Variants in MTUS2 observed in about 807,000 individuals in gnomAD.
The protein encoded by MTUS2 is microtubule associated scaffold protein 2.
A neutral mutation model predicts 114.1 loss-of-function variants in MTUS2; 40 were observed. The observed-to-expected ratio is 0.35, with a 90% CI of 0.27 to 0.46. The LOEUF is 0.46. MTUS2 is among the 20% of genes least tolerant of loss of function. The pLI is 1.00. For synonymous variants in MTUS2, 688 were observed against 672.0 expected, an observed-to-expected ratio of 1.02 and a Z score of -0.37; for missense variants, 1,679 against 1,705.4, an observed-to-expected ratio of 0.98 and a Z score of 0.27.
At chr13:29,050,208 CTT>C (rs965519552) in intron 4 of MTUS2, among the ~76,000 whole-genome samples, 1 of 152,108 alleles carries the variant, frequency 6.6e-6, no homozygotes, top group Admixed American at 6.5e-5. Context: ...CTCCCTTTCT[CTT>C]ATATACTTTT....
At chr13:28,840,213 A>G (rs1279313902) in intron 2 of MTUS2, among the ~76,000 whole-genome samples, 3 of 152,186 alleles carry the variant, frequency 2.0e-5, no homozygotes, top group Non-Finnish European at 4.4e-5. Context: ...TAATGGACAG[A>G]CATAGGACAT....
At chr13:29,307,643 A>G (rs1201794632) in intron 6 of MTUS2, 4 of 1,147,054 alleles carry the variant, frequency 3.5e-6, no homozygotes, top group Non-Finnish European at 5.3e-6. Context: ...TTCAACAGCG[A>G]CACCCACTCT....
chr13:29,052,909 T>G (rs1011513172), intron 4 of MTUS2, among the ~76,000 whole-genome samples: 16 of 152,166 alleles, frequency 1.1e-4, no homozygotes, highest in Non-Finnish European at 2.1e-4. Context: ...GATAGTGAGT[T>G]AGTTCTCATG....
chr13:28,964,357 C>G (rs1357894428), intron 2 of MTUS2, among the ~76,000 whole-genome samples: 1 of 152,192 alleles, frequency 6.6e-6, no homozygotes, highest in African/African-American at 2.4e-5. Flanking sequence ...ACCTGTTCCT[C>G]TCATCTGGTC....
chr13:28,824,039 G>A (rs1428537036), intron 1 of MTUS2, among the ~76,000 whole-genome samples: 1 of 152,168 alleles, frequency 6.6e-6, no homozygotes, highest in East Asian at 1.9e-4. Flanking sequence ...TATAATTCAT[G>A]ATGACATTTG....
intron 15 of MTUS2, among the ~76,000 whole-genome samples, chr13:29,501,532 T>G (rs1156683776): frequency 6.6e-6 from 1 of 152,224 alleles, no homozygotes; most frequent in East Asian, 1.9e-4. Flanking sequence ...CACCACTGGC[T>G]GATACCCCAA....
chr13:29,375,168 GAAAA>G (rs1453099431), intron 8 of MTUS2, among the ~76,000 whole-genome samples: 1 of 151,946 alleles, frequency 6.6e-6, no homozygotes, highest in Non-Finnish European at 1.5e-5. Context: ...AAATGACAGA[GAAAA>G]AAGTCAGTGA....
chr13:29,166,531 TCTCAGC>T (rs1356198078), intron 5 of MTUS2, among the ~76,000 whole-genome samples: 3 of 152,224 alleles, frequency 2.0e-5, no homozygotes, highest in Admixed American at 2.0e-4. Flanking sequence ...CTCTAGTAAT[TCTCAGC>T]AATAGATGTT....
At chr13:29,356,615 A>G (rs527609721) in intron 7 of MTUS2, among the ~76,000 whole-genome samples, 37 of 152,336 alleles carry the variant, frequency 2.4e-4, no homozygotes, top group Non-Finnish European at 4.7e-4. Flanking sequence ...CTATAGAAGT[A>G]GTAACAAAGA....
intron 12 of MTUS2, among the ~76,000 whole-genome samples, chr13:29,494,388 A>G (rs1285158547): frequency 6.6e-6 from 1 of 152,170 alleles, no homozygotes; most frequent in Admixed American, 6.5e-5. Context: ...GTCCCTGTAG[A>G]TCTCTTTTGA....
At chr13:29,281,435 G>GTGTA (rs2139540364) in intron 5 of MTUS2, among the ~76,000 whole-genome samples, 1 of 151,060 alleles carries the variant, frequency 6.6e-6, no homozygotes, top group African/African-American at 2.5e-5. Flanking sequence ...GTGTGTGTGT[G>GTGTA]TGTGTGTGTG....
intron 7 of MTUS2, among the ~76,000 whole-genome samples, chr13:29,328,813 G>A (rs544031465): frequency 1.1e-4 from 17 of 152,256 alleles, no homozygotes; most frequent in African/African-American, 3.6e-4. Flanking sequence ...TGTGGCAGCC[G>A]TTTCAAAACA....
chr13:28,889,950 G>A (rs954798694), intron 2 of MTUS2, among the ~76,000 whole-genome samples: 2 of 152,164 alleles, frequency 1.3e-5, no homozygotes, highest in African/African-American at 4.8e-5. Flanking sequence ...AGTGATACTC[G>A]GTTAAGGTCT....
intron 8 of MTUS2, among the ~76,000 whole-genome samples, chr13:29,376,039 ATGTG>A (rs71090249): frequency 0.031 from 3,972 of 126,540 alleles, 167 homozygotes; most frequent in African/African-American, 0.11. Context: ...ATATATATAT[ATGTG>A]TGTGTGTGTG....
chr13:28,957,685 AG>A (rs66843564), intron 2 of MTUS2, among the ~76,000 whole-genome samples: 33,472 of 151,686 alleles, frequency 0.22, 4,042 homozygotes, highest in Non-Finnish European at 0.26. Flanking sequence ...TTGTATCTGG[AG>A]GGGGGGGTCC....
chr13:29,289,159 G>GC (rs1199228662), intron 6 of MTUS2, among the ~76,000 whole-genome samples: 2 of 152,220 alleles, frequency 1.3e-5, no homozygotes, highest in Non-Finnish European at 2.9e-5. Context: ...ATTGAAGCAT[G>GC]TGATATAAAC....
rs181135008 is a variant in MTUS2 at position 29,157,009 on chromosome 13, A to G, written c.2644+56039A>G. Among the ~76,000 whole-genome samples, 186 of 152,296 alleles carry G rather than the reference A, an allele frequency of 1.2e-3. 3 individuals are homozygous for G. The highest frequency in any genetic ancestry group is 0.012 in the Admixed American group (185 of 15,288). On this transcript the variant is annotated intron_variant, in intron 5 of 15. Transcript: ENST00000612955. Reference sequence around the variant, plus strand: ...AGATAAAGATACCAAAACTCTCTGTATTCTCCTGTAACTCGTTCAACATTT... The same window carrying G: ...AGATAAAGATACCAAAACTCTCTGTGTTCTCCTGTAACTCGTTCAACATTT...
chr13:28,870,656 G>A lies in MTUS2; in HGVS notation c.-243+30806G>A, dbSNP rs144738174. Among the ~76,000 whole-genome samples the A allele has an allele frequency of 2.4e-3, 368 of 152,322 alleles. 1 individual carries two copies. The highest frequency in any genetic ancestry group is 8.4e-3 in the African/African-American group (349 of 41,574). On this transcript the variant is annotated intron_variant, in intron 2 of 15. Coordinates refer to ENST00000612955, the MANE Select transcript of MTUS2 (RefSeq NM_001033602.4). ...GTAGGAGCAGGTCCTGAGAGAGATA[G>A]TAAGTTGTTTTGAAGCCAGAGACTA...
In MTUS2 at chr13:28,918,207, G is replaced by T. The variant is rs1020557550; in HGVS notation, c.-243+78357G>T. On this transcript the variant is annotated intron_variant, in intron 2 of 15. Coordinates refer to ENST00000612955, the MANE Select transcript of MTUS2 (RefSeq NM_001033602.4). ...TTAGGTTGATTTGATCTACAGTGCA[G>T]ATTAAGTCAGATGTTTCTTTGTTGA... Among the ~76,000 whole-genome samples, 4 of 151,946 alleles carry T rather than the reference G, an allele frequency of 2.6e-5. No homozygotes were observed. The South Asian group carries it at 8.3e-4, about 31-fold the overall frequency.
Sources: allele counts gnomAD v4.1 joint callset (sites outside exome capture counted in the v4.1 genomes callset), GRCh38; gene constraint gnomAD v4.1.1; transcripts MANE v1.5; gene names NCBI Gene and HGNC (gene_info 2026-07-23, HGNC 2026-07-21).